Variants in GSN observed in about 807,000 individuals in gnomAD.
GSN encodes the protein gelsolin.
In GSN, 56 loss-of-function variants were observed where a neutral mutation model predicts 85.7. The observed-to-expected ratio is 0.65, with a 90% confidence interval of 0.53 to 0.82. The LOEUF is 0.82. GSN is among the 40% of genes least tolerant of loss of function. GSN has a pLI of 0.00. For missense variants in GSN, 857 were observed against 979.8 expected (o/e 0.87, Z 1.67); for synonymous variants, 373 against 399.1 (o/e 0.93, Z 0.78).
intron 5 of GSN, among the ~76,000 whole-genome samples, chr9:121,236,434 C>T (rs565986820): frequency 9.9e-5 from 15 of 152,028 alleles, no homozygotes; most frequent in African/African-American, 2.7e-4. Flanking sequence ...TGGCTGGTCT[C>T]GAACTCCTGA....
chr9:121,254,947 ATTTG>A (rs57802119), intron 6 of GSN, among the ~76,000 whole-genome samples: 56,984 of 151,384 alleles, frequency 0.38, 13,365 homozygotes, highest in East Asian at 0.62. Context: ...TTATTTATTT[ATTTG>A]TTTGTTTATT....
rs971109698 is a variant in GSN at position 121,302,792 on chromosome 9, C to G, written c.197-119C>G. On this transcript the variant is annotated intron_variant, in intron 3 of 17. Transcript: ENST00000432226. ...AACTGAGGCTCACAGAAGGCAAGGG[C>G]TTTCTCAGCTTCTACAGCTAGGTCA... 3.1e-6 allele frequency: 3 copies of G among 975,900 alleles called. No individual in the cohort carries two copies. In the African/African-American group the frequency reaches 4.8e-5, roughly 16 times the overall value. 60.5% of individuals were successfully genotyped at this position (975,900 alleles called of 1,614,324 possible). A position where few individuals can be genotyped will look rare whatever the true frequency, so the allele number is the denominator to read the frequency against.
At chr9:121,289,494 C>G (rs1252272174) in intron 2 of GSN, among the ~76,000 whole-genome samples, 1 of 152,172 alleles carries the variant, frequency 6.6e-6, no homozygotes, top group African/African-American at 2.4e-5. Flanking sequence ...AGAGAGAGAA[C>G]CTGCTGCTGT....
intron 2 of GSN, among the ~76,000 whole-genome samples, chr9:121,300,567 A>C (rs2059725175): frequency 6.6e-6 from 1 of 151,564 alleles, no homozygotes; most frequent in African/African-American, 2.4e-5. Context: ...TTTTACTCCC[A>C]CCAGATCTCT....
chr9:121,290,985 G>A (rs778856009), intron 2 of GSN, among the ~76,000 whole-genome samples: 6 of 151,556 alleles, frequency 4.0e-5, no homozygotes, highest in Non-Finnish European at 5.9e-5. Context: ...TTCATTCCAC[G>A]TATCTGCTAC....
chr9:121,227,865 C>T (rs903362182), intron 4 of GSN, among the ~76,000 whole-genome samples: 1 of 152,144 alleles, frequency 6.6e-6, no homozygotes, highest in Non-Finnish European at 1.5e-5. Context: ...AGGCTCAGCA[C>T]TCCCAGCTTA....
At chr9:121,214,763 C>T (rs1225790432) in intron 4 of GSN, among the ~76,000 whole-genome samples, 22 of 152,198 alleles carry the variant, frequency 1.4e-4, no homozygotes, top group Admixed American at 1.4e-3. Context: ...AAGTTCTTAT[C>T]TTTTCTCTTC....
chr9:121,277,465 T>TA (rs2132502730), intron 1 of GSN, among the ~76,000 whole-genome samples: 1 of 152,340 alleles, frequency 6.6e-6, no homozygotes, highest in South Asian at 2.1e-4. Context: ...AACAATCTGT[T>TA]ATTAGTGTAG....
intron 6 of GSN, among the ~76,000 whole-genome samples, chr9:121,262,264 C>T (rs1032009436): frequency 2.6e-5 from 4 of 152,186 alleles, no homozygotes; most frequent in African/African-American, 4.8e-5. Flanking sequence ...AGAATCTGGG[C>T]TTTGGAGACA....
chr9:121,302,286 G>GA (rs773105052), intron 3 of GSN, 119 bp downstream of exon 3: 58 of 1,156,058 alleles, frequency 5.0e-5, no homozygotes, highest in Non-Finnish European at 1.9e-5. Context: ...CTGGGCCCTT[G>GA]ACTGGTGGTT....
At chr9:121,312,747 C>T (rs1299086567) in intron 6 of GSN, 5 of 284,614 alleles carry the variant, frequency 1.8e-5, no homozygotes, top group Non-Finnish European at 2.0e-5. Flanking sequence ...CCTGCCTCAG[C>T]CTCCCGAGTA....
intron 2 of GSN, among the ~76,000 whole-genome samples, chr9:121,293,233 T>C (rs926132772): frequency 6.6e-6 from 1 of 152,196 alleles, no homozygotes; most frequent in African/African-American, 2.4e-5. Context: ...CCTGGCCAGA[T>C]GCACAAACTT....
At chr9:121,218,436 A>G (rs928712603) in intron 4 of GSN, among the ~76,000 whole-genome samples, 8 of 152,152 alleles carry the variant, frequency 5.3e-5, no homozygotes, top group African/African-American at 1.9e-4. Flanking sequence ...GGGGTTCAAG[A>G]CCAGCCTGGC....
chr9:121,230,703 A>C (rs996223627), intron 4 of GSN, among the ~76,000 whole-genome samples: 6 of 152,212 alleles, frequency 3.9e-5, no homozygotes, highest in African/African-American at 1.4e-4. Flanking sequence ...GTTCATTCAT[A>C]GAAAGTGCCT....
At chr9:121,214,773 C>G (rs1408623514) in intron 4 of GSN, among the ~76,000 whole-genome samples, 1 of 152,212 alleles carries the variant, frequency 6.6e-6, no homozygotes, top group African/African-American at 2.4e-5. Context: ...CTTTTCTCTT[C>G]TGGACCTCTG....
chr9:121,312,566 G>A (rs2061287069), intron 6 of GSN, 78 bp downstream of exon 6: 3 of 1,192,850 alleles, frequency 2.5e-6, no homozygotes, highest in Non-Finnish European at 3.5e-6. Context: ...GGCAATTTGA[G>A]GTGAATTTGA....
At chr9:121,266,556 T>C (rs899307717), upstream of GSN, among the ~76,000 whole-genome samples, 8 of 152,138 alleles carry the variant, frequency 5.3e-5, no homozygotes, top group Admixed American at 3.3e-4. Context: ...CTGGGCAGAA[T>C]TTCCCAAGCC....
At chr9:121,223,516 G>GTA (rs2054211847) in intron 4 of GSN, among the ~76,000 whole-genome samples, 1 of 152,138 alleles carries the variant, frequency 6.6e-6, no homozygotes, top group South Asian at 2.1e-4. Context: ...TGTCACCAAA[G>GTA]TATATATCAT....
At chr9:121,270,819 G>T (rs2055831664) in intron 1 of GSN, among the ~76,000 whole-genome samples, 1 of 152,094 alleles carries the variant, frequency 6.6e-6, no homozygotes, top group Non-Finnish European at 1.5e-5. Flanking sequence ...GATGATTTCT[G>T]CTTGGTCTAT....
Sources: gnomAD v4.1 joint callset for allele counts (sites outside exome capture counted in the v4.1 genomes callset) on GRCh38, gnomAD v4.1.1 for gene constraint, MANE v1.5 for transcripts, NCBI Gene and HGNC (gene_info 2026-07-23, HGNC 2026-07-21) for gene names.